CHODL: variants seen among roughly 807,000 people sequenced by gnomAD.
CHODL encodes chondrolectin.
CHODL carries 29 observed loss-of-function variants against 34.5 expected under a neutral mutation model. The ratio of observed to expected loss-of-function variants is 0.84; its 90% CI spans 0.63 to 1.15. The LOEUF (loss-of-function observed/expected upper bound fraction) is 1.15, where lower values mean the gene tolerates loss of function less well. Among genes scored for constraint, CHODL ranks in the 50% most tolerant of loss-of-function variants. CHODL has a pLI of 0.00. For missense variants in CHODL, 332 were observed against 332.5 expected (o/e 1.00, Z 0.01); for synonymous variants, 125 against 116.1 (o/e 1.08, Z -0.49).
intron 1 of CHODL, among the ~76,000 whole-genome samples, chr21:18,027,239 A>G (rs1208384867): frequency 6.6e-6 from 1 of 152,172 alleles, no homozygotes; most frequent in Non-Finnish European, 1.5e-5. Context: ...GTGCCACTGT[A>G]CGCCAGCCTC....
chr21:18,000,935 G>A (rs2063899717), intron 1 of CHODL, among the ~76,000 whole-genome samples: 1 of 151,890 alleles, frequency 6.6e-6, no homozygotes, highest in Non-Finnish European at 1.5e-5. Context: ...AAAACAGACT[G>A]CAACTTGATC....
intron 2 of CHODL, among the ~76,000 whole-genome samples, chr21:18,167,962 T>G (rs1417076844): frequency 6.6e-6 from 1 of 152,174 alleles, no homozygotes; most frequent in African/African-American, 2.4e-5. Flanking sequence ...GCTGCCAGTG[T>G]GGCTAGGATA....
chr21:18,162,643 T>C (rs567266127), intron 2 of CHODL, among the ~76,000 whole-genome samples: 9 of 152,296 alleles, frequency 5.9e-5, no homozygotes, highest in African/African-American at 1.4e-4. Flanking sequence ...TCTTCAACAT[T>C]TGAATGTGAA....
At chr21:18,087,774 A>G (rs2065024962) in intron 2 of CHODL, among the ~76,000 whole-genome samples, 1 of 152,142 alleles carries the variant, frequency 6.6e-6, no homozygotes, top group Non-Finnish European at 1.5e-5. Context: ...ATTATCCTAG[A>G]TGTGTTTAGG....
chr21:18,243,547 A>ATTTTTTTTTTTTTTTTTTTTTTTT (rs113607712), upstream of CHODL, among the ~76,000 whole-genome samples: 1 of 144,464 alleles, frequency 6.9e-6, no homozygotes, highest in Non-Finnish European at 1.5e-5. Context: ...TTAGAATTCT[A>ATTTTTTTTTTTTTTTTTTTTTTTT]TTTTTTTTTT....
rs909709994 is a variant in CHODL at position 18,193,097 on chromosome 21, T to A, written c.-44-63412T>A. ...CAAATGTGAACTAAATAAAGGAAAA[T>A]ATGAAGTTTTCTTTGGCTAAATACT... is the stretch of plus-strand genomic sequence containing the variant. On this transcript the variant is annotated intron_variant, in intron 2 of 6. Transcript: ENST00000400127. 6.6e-5 allele frequency among the ~76,000 whole-genome samples: 10 copies of A among 152,188 alleles called. 1 individual carries two copies. The East Asian group carries it at 1.9e-3, about 29-fold the overall frequency.
intron 1 of CHODL, among the ~76,000 whole-genome samples, chr21:17,923,781 G>C (rs879492624): frequency 3.3e-5 from 5 of 152,094 alleles, no homozygotes; most frequent in Admixed American, 3.3e-4. Flanking sequence ...TTTTATACAA[G>C]TCCCAAAGGC....
chr21:18,214,251 T>G (rs1172570346), intron 2 of CHODL, among the ~76,000 whole-genome samples: 1 of 152,142 alleles, frequency 6.6e-6, no homozygotes, highest in Admixed American at 6.6e-5. Flanking sequence ...GTCACCTCAG[T>G]TCTAAAGCTT....
intron 5 of CHODL, among the ~76,000 whole-genome samples, chr21:18,264,253 C>T (rs1382926401): frequency 6.6e-6 from 1 of 151,892 alleles, no homozygotes; most frequent in African/African-American, 2.4e-5. Context: ...GGTCAGGGAG[C>T]AAGTAAGTGC....
chr21:18,265,308 C>CATATATAT, intron 5 of CHODL, among the ~76,000 whole-genome samples: 1 of 123,388 alleles, frequency 8.1e-6, no homozygotes, highest in East Asian at 2.0e-4. Flanking sequence ...CACACACACA[C>CATATATAT]ACATATATAT....
chr21:18,178,838 C>A (rs1397725171), intron 2 of CHODL, among the ~76,000 whole-genome samples: 1 of 152,006 alleles, frequency 6.6e-6, no homozygotes, highest in Non-Finnish European at 1.5e-5. Flanking sequence ...AAGCATCAAC[C>A]ATAGAGTTTA....
intron 2 of CHODL, among the ~76,000 whole-genome samples, chr21:18,118,209 G>A (rs183706238): frequency 5.1e-4 from 78 of 152,236 alleles, no homozygotes; most frequent in African/African-American, 1.6e-3. Context: ...AATTCGCTCA[G>A]TAAATGTTTA....
At chr21:18,093,444 A>G (rs1215163838) in intron 2 of CHODL, among the ~76,000 whole-genome samples, 1 of 152,190 alleles carries the variant, frequency 6.6e-6, no homozygotes, top group African/African-American at 2.4e-5. Context: ...ACAGAATAGT[A>G]TAATACTGTA....
At chr21:18,137,807 C>T (rs1473055126) in intron 2 of CHODL, among the ~76,000 whole-genome samples, 2 of 152,144 alleles carry the variant, frequency 1.3e-5, no homozygotes, top group Non-Finnish European at 2.9e-5. Flanking sequence ...AGAAATTGTT[C>T]ATTCAGGTAG....
At chr21:18,045,949 A>G (rs2064437770) in intron 2 of CHODL, among the ~76,000 whole-genome samples, 1 of 151,872 alleles carries the variant, frequency 6.6e-6, no homozygotes, top group African/African-American at 2.4e-5. Context: ...GAACTTCCCA[A>G]TCTCCAGAAC....
intron 1 of CHODL, among the ~76,000 whole-genome samples, chr21:17,958,848 C>T (rs997853785): frequency 6.6e-6 from 1 of 152,018 alleles, no homozygotes; most frequent in Non-Finnish European, 1.5e-5. Flanking sequence ...AACTTGATGG[C>T]CCTTTCTTGG....
chr21:18,208,875 C>G (rs976852235), intron 2 of CHODL, among the ~76,000 whole-genome samples: 1 of 146,838 alleles, frequency 6.8e-6, no homozygotes, highest in East Asian at 2.0e-4. Flanking sequence ...GTCCCCCCCA[C>G]CCCCGCCCCT....
chr21:18,026,515 T>TCCTG (rs926807580), intron 1 of CHODL, among the ~76,000 whole-genome samples: 7 of 152,120 alleles, frequency 4.6e-5, no homozygotes, highest in Non-Finnish European at 8.8e-5. Flanking sequence ...TGCTAATCAC[T>TCCTG]CCTGCACTGT....
At chr21:18,256,944 G>A (rs1449606815) in intron 2 of CHODL, 26 bp from the exon 3 acceptor site, 3 of 1,605,200 alleles carry the variant, frequency 1.9e-6, no homozygotes, top group Non-Finnish European at 2.6e-6. Flanking sequence ...ATGTATCTGA[G>A]TGTTCCTATT....
Sources: allele counts gnomAD v4.1 joint callset (sites outside exome capture counted in the v4.1 genomes callset), GRCh38; gene constraint gnomAD v4.1.1; transcripts MANE v1.5; gene names NCBI Gene and HGNC (gene_info 2026-07-23, HGNC 2026-07-21).